The following CSMD1 variants were observed in gnomAD, a reference collection of about 807,000 sequenced individuals.
CSMD1 encodes CUB and Sushi multiple domains 1, also known as CUB and sushi domain-containing protein 1.
Under a neutral mutation model 417.5 loss-of-function variants are expected in CSMD1, and 213 were observed. The ratio of observed to expected loss-of-function variants is 0.51; its 90% CI spans 0.46 to 0.57. The LOEUF (loss-of-function observed/expected upper bound fraction) is 0.57, where lower values mean the gene tolerates loss of function less well. Among genes scored for constraint, CSMD1 ranks in the 20% least tolerant of loss-of-function variants. The pLI is 0.00. For synonymous variants in CSMD1, 2,862 were observed against 1,736.8 expected (o/e 1.65, Z -16.11); for missense variants, 6,923 against 4,529.7 (o/e 1.53, Z -15.17).
chr8:3,566,835 G>A (rs539761499), intron 10 of CSMD1, among the ~76,000 whole-genome samples: 1 of 152,306 alleles, frequency 6.6e-6, no homozygotes, highest in South Asian at 2.1e-4. Context: ...TGGTGAGAGT[G>A]TAAACTAGGT....
intron 30 of CSMD1, among the ~76,000 whole-genome samples, chr8:3,209,808 C>T (rs1469570371): frequency 6.6e-6 from 1 of 152,122 alleles, no homozygotes; most frequent in Non-Finnish European, 1.5e-5. Flanking sequence ...CAAAAGCATT[C>T]ATTGCTAATG....
intron 6 of CSMD1, among the ~76,000 whole-genome samples, chr8:3,728,955 C>A (rs1383955): frequency 1.3e-5 from 2 of 152,184 alleles, no homozygotes; most frequent in South Asian, 2.1e-4. Context: ...AAATGAGTGC[C>A]GTTCGAATAT....
chr8:4,645,467 A>AAAAAAG (rs1803461123), intron 1 of CSMD1, among the ~76,000 whole-genome samples: 1 of 145,956 alleles, frequency 6.9e-6, no homozygotes, highest in African/African-American at 2.5e-5. Context: ...AAAAAAAAAA[A>AAAAAAG]GGCAAGCAAA....
chr8:4,066,685 C>G (rs1186168758), intron 3 of CSMD1, among the ~76,000 whole-genome samples: 4 of 152,112 alleles, frequency 2.6e-5, no homozygotes, highest in Admixed American at 1.3e-4. Context: ...TCTATTCTAT[C>G]CAACCTGAAA....
At chr8:4,632,394 C>T (rs1802574494) in intron 2 of CSMD1, among the ~76,000 whole-genome samples, 1 of 152,038 alleles carries the variant, frequency 6.6e-6, no homozygotes, top group Non-Finnish European at 1.5e-5. Flanking sequence ...ACCCTGTAAT[C>T]CCAGTTACTC....
chr8:4,403,571 G>C (rs80196499), intron 3 of CSMD1, among the ~76,000 whole-genome samples: 2 of 152,110 alleles, frequency 1.3e-5, no homozygotes, highest in East Asian at 3.9e-4. Context: ...TGAAAGGCTT[G>C]AGTTGACTTC....
At chr8:3,509,046 G>T (rs1489189065) in intron 10 of CSMD1, among the ~76,000 whole-genome samples, 2 of 152,202 alleles carry the variant, frequency 1.3e-5, no homozygotes, top group African/African-American at 4.8e-5. Flanking sequence ...GCAAGACACT[G>T]TATCAGCGGT....
intron 55 of CSMD1, among the ~76,000 whole-genome samples, chr8:2,977,422 G>T (rs1232770594): frequency 6.6e-6 from 1 of 152,214 alleles, no homozygotes; most frequent in East Asian, 1.9e-4. Context: ...TCTCTGCAAA[G>T]GACATAATCT....
intron 23 of CSMD1, among the ~76,000 whole-genome samples, chr8:3,323,989 T>C (rs112761323): frequency 2.9e-4 from 30 of 103,636 alleles, no homozygotes; most frequent in South Asian, 7.0e-4. Context: ...ATTGTTAAAA[T>C]AGACACACAT....
At chr8:4,913,616 G>T (rs1055010269) in intron 1 of CSMD1, among the ~76,000 whole-genome samples, 1 of 152,182 alleles carries the variant, frequency 6.6e-6, no homozygotes, top group Non-Finnish European at 1.5e-5. Context: ...TTTTGCAGTA[G>T]GTGTTGCTGG....
chr8:3,196,407 C>G (rs1019114264), intron 33 of CSMD1, among the ~76,000 whole-genome samples: 1 of 152,122 alleles, frequency 6.6e-6, no homozygotes, highest in Non-Finnish European at 1.5e-5. Flanking sequence ...TTCTTTATTC[C>G]TTAACTTTCC....
intron 3 of CSMD1, among the ~76,000 whole-genome samples, chr8:4,174,850 A>T (rs1386375648): frequency 6.8e-6 from 1 of 146,996 alleles, no homozygotes; most frequent in African/African-American, 2.5e-5. Flanking sequence ...TCGCCTCAAA[A>T]TTTCAGATAA....
chr8:3,304,611 T>C (rs994243547), intron 25 of CSMD1, among the ~76,000 whole-genome samples: 1 of 150,606 alleles, frequency 6.6e-6, no homozygotes, highest in Non-Finnish European at 1.5e-5. Flanking sequence ...AATAGATGTA[T>C]TTATAAATTT....
intron 7 of CSMD1, among the ~76,000 whole-genome samples, chr8:3,689,636 G>T (rs1246742421): frequency 6.6e-6 from 1 of 152,088 alleles, no homozygotes. Flanking sequence ...CTTACTATGT[G>T]GCAGGCCTGG....
chr8:3,435,323 A>G lies in CSMD1; in HGVS notation c.1562-25718T>C, dbSNP rs145565555. Among the ~76,000 whole-genome samples, 58 of 152,302 alleles carry G rather than the reference A, an allele frequency of 3.8e-4. 1 individual carries two copies. In the East Asian group the frequency reaches 0.011, roughly 28 times the overall value. ...CTGGGAAAGATGAAGCATGGGGCAG[A>G]GGGGCTGAAACAGATGCCCTGAGTG... On this transcript the variant is annotated intron_variant, in intron 12 of 69. Transcript: ENST00000635120.
intron 3 of CSMD1, among the ~76,000 whole-genome samples, chr8:4,056,241 C>G (rs1798683936): frequency 1.3e-5 from 2 of 151,784 alleles, no homozygotes; most frequent in East Asian, 3.9e-4. Flanking sequence ...ACTCCCACTC[C>G]TGGCTAATTT....
At chr8:4,080,173 G>C (rs2130809763) in intron 3 of CSMD1, among the ~76,000 whole-genome samples, 1 of 152,050 alleles carries the variant, frequency 6.6e-6, no homozygotes, top group Middle Eastern at 3.4e-3. Flanking sequence ...GCATTTCTAT[G>C]AATCTTTACT....
chr8:3,110,358 A>G (rs759347669), intron 42 of CSMD1, 23 bp from the exon 43 acceptor site: 3 of 1,578,506 alleles, frequency 1.9e-6, no homozygotes, highest in Non-Finnish European at 8.6e-7. Context: ...CCAAGAAAAA[A>G]CAAGCGCCAT....
At chr8:4,558,926 A>T (rs966161510) in intron 2 of CSMD1, among the ~76,000 whole-genome samples, 1 of 12,670 alleles carries the variant, frequency 7.9e-5, no homozygotes, top group Non-Finnish European at 5.1e-3. Flanking sequence ...ATTTCAACTG[A>T]TCATGTTTTT....
Sources: allele counts gnomAD v4.1 joint callset (sites outside exome capture counted in the v4.1 genomes callset), GRCh38; gene constraint gnomAD v4.1.1; transcripts MANE v1.5; gene names NCBI Gene and HGNC (gene_info 2026-07-23, HGNC 2026-07-21).